The following NF2 variants were observed in gnomAD, a reference collection of about 807,000 sequenced individuals.
The protein encoded by NF2 is NF2, moesin-ezrin-radixin like (MERLIN) tumor suppressor.
A neutral mutation model predicts 83.7 loss-of-function variants in NF2; 8 were observed. The ratio of observed to expected loss-of-function variants is 0.10; its 90% CI spans 0.06 to 0.17. The LOEUF (loss-of-function observed/expected upper bound fraction) is 0.17. Among genes scored for constraint, NF2 ranks in the 10% least tolerant of loss-of-function variants. The probability of loss-of-function intolerance (pLI) is 1.00; values close to 1 mark genes in which losing one functional copy is unlikely to be tolerated. For synonymous variants in NF2, 266 were observed against 269.6 expected, an observed-to-expected ratio of 0.99 and a Z score of 0.13; for missense variants, 533 against 744.4, an observed-to-expected ratio of 0.72 and a Z score of 3.31.
At chr22:29,648,185 G>A (rs1334046543) in intron 4 of NF2, among the ~76,000 whole-genome samples, 1 of 151,362 alleles carries the variant, frequency 6.6e-6, no homozygotes, top group Non-Finnish European at 1.5e-5. Flanking sequence ...ATTAAAAAAG[G>A]TAGGTGTCTA....
Position 29,603,687 on chromosome 22 carries a change from G to C in NF2, c.-312G>C. ...CGGAGTCTGGGCCGCTGCCGTCTAG[G>C]GGTCCCGTCCCGAGGCGTCCCCGGC... On this transcript the variant is annotated 5_prime_UTR_variant, in exon 1 of 16. Transcript: ENST00000338641. 2.3e-6 allele frequency: 1 copy of C among 427,800 alleles called. No homozygotes were observed. The highest frequency in any genetic ancestry group is 4.1e-6 in the Non-Finnish European group (1 of 243,056). The allele number at this position is 427,800 out of a possible 1,614,324, so 26.5% of individuals were successfully genotyped here.
rs531446054 is a variant in NF2, at chr22:29,655,152, G to A, written c.516+427G>A. Among the ~76,000 whole-genome samples the A allele has an allele frequency of 2.4e-3, 368 of 152,216 alleles. 2 individuals carry two copies. The highest frequency in any genetic ancestry group is 3.8e-3 in the Non-Finnish European group (260 of 68,006). On this transcript the variant is annotated intron_variant, in intron 5 of 15. Transcript: ENST00000338641. ...ATTCATTAGCCACAGAAGCAGGCCC[G>A]CCCTCCCTTTTGCTCCTGCCGATTT...
At chr22:29,654,767 T>G (rs902023876) in intron 5 of NF2, 42 bp downstream of exon 5, 12 of 1,479,638 alleles carry the variant, frequency 8.1e-6, no homozygotes, top group Non-Finnish European at 1.1e-5. Flanking sequence ...ATAGCAGATA[T>G]GTGGTCTAAA....
At chr22:29,675,020 G>T (rs2147094828) in intron 13 of NF2, 79 bp downstream of exon 13, 1 of 1,273,304 alleles carries the variant, frequency 7.9e-7, no homozygotes, top group Non-Finnish European at 1.1e-6. Context: ...AGTTCATCTG[G>T]CGGTGCCTTC....
intron 1 of NF2, among the ~76,000 whole-genome samples, chr22:29,610,347 T>TA (rs1215104165): frequency 2.0e-5 from 3 of 150,084 alleles, no homozygotes; most frequent in Admixed American, 1.3e-4. Flanking sequence ...CCCTGTCTCT[T>TA]AAAAAAAAGA....
Position 29,662,259 on chromosome 22 carries a change from C to G in NF2, c.810+920C>G, listed in dbSNP as rs561628564. 7.5e-4 allele frequency among the ~76,000 whole-genome samples: 114 copies of G among 152,312 alleles called. 1 individual carries two copies. The highest frequency in any genetic ancestry group is 1.4e-3 in the Non-Finnish European group (92 of 68,032). On this transcript the variant is annotated intron_variant, in intron 8 of 15. Coordinates refer to ENST00000338641, the MANE Select transcript of NF2 (RefSeq NM_000268.4). ...AGGTGATCCTCTCACCTCAGCCTCC[C>G]AGGTAACAGACTACAGGCGTGTGCC...
intron 7 of NF2, 55 bp downstream of exon 7, chr22:29,658,319 C>T (rs2146991790): frequency 7.0e-7 from 1 of 1,433,246 alleles, no homozygotes; most frequent in Non-Finnish European, 9.8e-7. Flanking sequence ...TGAGTGAGGG[C>T]CAGACTGCTA....
At chr22:29,684,345 A>G (rs910270809) in intron 15 of NF2, among the ~76,000 whole-genome samples, 1 of 152,092 alleles carries the variant, frequency 6.6e-6, no homozygotes, top group Non-Finnish European at 1.5e-5. Context: ...TGGCACCCAG[A>G]GCAGCCAGGT....
chr22:29,655,010 C>G (rs1289055064), intron 5 of NF2, among the ~76,000 whole-genome samples: 2 of 152,116 alleles, frequency 1.3e-5, no homozygotes, highest in South Asian at 2.1e-4. Context: ...AAAGAGGAGG[C>G]TGGAGCAGAG....
At chr22:29,656,483 G>C (rs1327248248) in intron 6 of NF2, among the ~76,000 whole-genome samples, 1 of 145,438 alleles carries the variant, frequency 6.9e-6, no homozygotes, top group African/African-American at 2.6e-5. Flanking sequence ...CGCGATCTCG[G>C]CTCACTGCAT....
At chr22:29,620,269 A>G (rs892498589) in intron 1 of NF2, among the ~76,000 whole-genome samples, 1 of 151,836 alleles carries the variant, frequency 6.6e-6, no homozygotes, top group Non-Finnish European at 1.5e-5. Flanking sequence ...CAAAAAAAAG[A>G]CAATAATTAG....
chr22:29,654,858 A>G, intron 5 of NF2, 133 bp downstream of exon 5: 1 of 757,696 alleles, frequency 1.3e-6, no homozygotes, highest in Non-Finnish European at 2.3e-6. Flanking sequence ...AATCTCCAGT[A>G]AACAGTGTGG....
intron 1 of NF2, among the ~76,000 whole-genome samples, chr22:29,623,136 G>T (rs2065258882): frequency 6.6e-6 from 1 of 151,564 alleles, no homozygotes; most frequent in South Asian, 2.1e-4. Flanking sequence ...GAAGAAATGG[G>T]ATCCCGCTAT....
At chr22:29,676,492 A>G (rs1346736496) in intron 13 of NF2, among the ~76,000 whole-genome samples, 1 of 152,282 alleles carries the variant, frequency 6.6e-6, no homozygotes, top group East Asian at 1.9e-4. Flanking sequence ...TGTTGTTTTT[A>G]AAATATACAC....
Position 29,694,526 on chromosome 22 carries a change from A to G in NF2, c.1738-226A>G, listed in dbSNP as rs1182726976. On this transcript the variant is annotated intron_variant, in intron 15 of 15. Coordinates refer to ENST00000338641, the MANE Select transcript of NF2 (RefSeq NM_000268.4). The surrounding 1 kb of genome is among the most constrained non-coding windows in gnomAD (Gnocchi z 4.1). ...TTTTCCTGCTGGCGTGCCTCTGCCCACCAGCCTTCCCCTTGCACATCCTCA... is the reference window on the plus strand; with the variant it reads ...TTTTCCTGCTGGCGTGCCTCTGCCCGCCAGCCTTCCCCTTGCACATCCTCA... Among the ~76,000 whole-genome samples the G allele has an allele frequency of 6.6e-6, 1 of 152,212 alleles. No homozygotes were observed. Among genetic ancestry groups the G allele is most frequent in the African/African-American group, 2.4e-5 (1 of 41,450 alleles).
intron 9 of NF2, 82 bp from the exon 10 acceptor site, chr22:29,668,251 A>G: frequency 1.0e-6 from 1 of 983,926 alleles, no homozygotes; most frequent in Non-Finnish European, 1.6e-6. Flanking sequence ...CAAGAGCTCA[A>G]ACTGCTATGG....
chr22:29,624,917 CTCTCTTTCTT>C (rs1387085823), intron 1 of NF2, among the ~76,000 whole-genome samples: 1 of 148,944 alleles, frequency 6.7e-6, no homozygotes, highest in African/African-American at 2.5e-5. Context: ...CTCTCTCTCT[CTCTCTTTCTT>C]TCTTTCTTTC....
chr22:29,654,738 A>G lies in NF2; in HGVS notation c.516+13A>G. ...GCTTCCAAAAAGGGTAAGAGATTAA[A>G]TTCCCTTTTCAGGAAGACATAGCAG... On this transcript the variant is annotated intron_variant, in intron 5 of 15. Coordinates refer to ENST00000338641, the MANE Select transcript of NF2 (RefSeq NM_000268.4). The G allele has an allele frequency of 6.2e-7, 1 of 1,605,846 alleles. No homozygotes were observed. Among genetic ancestry groups the G allele is most frequent in the Non-Finnish European group, 8.5e-7 (1 of 1,172,476 alleles).
chr22:29,644,221 G>T (rs2065909429), intron 4 of NF2, among the ~76,000 whole-genome samples: 1 of 148,486 alleles, frequency 6.7e-6, no homozygotes, highest in Non-Finnish European at 1.5e-5. Flanking sequence ...GCCGGGCAGA[G>T]ATGCTCCTCA....
Sources: gnomAD v4.1 joint callset for allele counts (sites outside exome capture counted in the v4.1 genomes callset) on GRCh38, gnomAD v4.1.1 for gene constraint, Gnocchi (gnomAD v3.1) non-coding constraint, MANE v1.5 for transcripts, NCBI Gene and HGNC (gene_info 2026-07-23, HGNC 2026-07-21) for gene names.